LRBA: variants seen among roughly 807,000 people sequenced by gnomAD.
LRBA encodes LPS responsive beige-like anchor protein.
Under a neutral mutation model 330.0 loss-of-function variants are expected in LRBA, and 176 were observed. The observed-to-expected ratio is 0.53, with a 90% CI of 0.47 to 0.60. The LOEUF (loss-of-function observed/expected upper bound fraction) is 0.60. Among genes scored for constraint, LRBA ranks in the 20% least tolerant of loss-of-function variants. LRBA has a pLI of 0.00. For synonymous variants in LRBA, 1,230 were observed against 1,193.0 expected, an observed-to-expected ratio of 1.03 and a Z score of -0.64; for missense variants, 3,259 against 3,444.8, an observed-to-expected ratio of 0.95 and a Z score of 1.35.
At chr4:150,880,858 C>T (rs535397964) in intron 17 of LRBA, among the ~76,000 whole-genome samples, 1 of 152,104 alleles carries the variant, frequency 6.6e-6, no homozygotes, top group East Asian at 1.9e-4. Flanking sequence ...AAAAACAATC[C>T]CATTAAAAAA....
At chr4:150,951,635 T>C (rs566049476) in intron 2 of LRBA, among the ~76,000 whole-genome samples, 1 of 152,300 alleles carries the variant, frequency 6.6e-6, no homozygotes, top group Non-Finnish European at 1.5e-5. Flanking sequence ...TACAAAGTAC[T>C]CTAACCATAA....
chr4:150,319,546 T>A (rs1297297103), intron 50 of LRBA, among the ~76,000 whole-genome samples: 1 of 152,168 alleles, frequency 6.6e-6, no homozygotes, highest in African/African-American at 2.4e-5. Context: ...AGTATGTTAT[T>A]TTCATAAATA....
Position 150,852,740 on chromosome 4 carries a change from A to T in LRBA, c.2970T>A (p.Asn990Lys). The change falls in exon 23 of 57, where the codon AAT (asparagine) becomes AAA (lysine). Residue 990 changes from asparagine (N) to lysine (K), a missense_variant. Physicochemically the swap from Asn to Lys is moderately conservative, Grantham distance 94. Transcript: ENST00000651943. ...PVCPHFTTNG[N>K]ENSSIEKTSS... ...TTGTCTTCTCTATACTTGAATTTTC[A>T]TTACCATTTGTGGTGAAATGAGGAC... 6.2e-7 allele frequency: 1 copy of T among 1,613,872 alleles called. No homozygotes were observed. The highest frequency in any genetic ancestry group is 1.1e-5 in the South Asian group (1 of 91,020).
At chr4:150,464,917 C>T (rs1037941536) in intron 44 of LRBA, among the ~76,000 whole-genome samples, 3 of 151,946 alleles carry the variant, frequency 2.0e-5, no homozygotes, top group Admixed American at 6.6e-5. Flanking sequence ...GCAAAATATA[C>T]ATAACATAAA....
At chr4:150,388,178 C>T (rs948044049) in intron 47 of LRBA, among the ~76,000 whole-genome samples, 1 of 152,238 alleles carries the variant, frequency 6.6e-6, no homozygotes, top group African/African-American at 2.4e-5. Context: ...AACCCTTCCT[C>T]TTTCATAAAG....
chr4:150,647,567 T>A (rs1027369695), intron 37 of LRBA, among the ~76,000 whole-genome samples: 4 of 151,816 alleles, frequency 2.6e-5, no homozygotes, highest in African/African-American at 4.8e-5. Flanking sequence ...CTAATTTTTT[T>A]AAATTATGTG....
At chr4:150,946,525 T>C (rs901805547) in intron 2 of LRBA, among the ~76,000 whole-genome samples, 2 of 152,080 alleles carry the variant, frequency 1.3e-5, no homozygotes, top group African/African-American at 4.8e-5. Flanking sequence ...ATAGTTTATG[T>C]GTCAAAAGAG....
chr4:150,639,825 A>G lies in LRBA; in HGVS notation c.5922-40694T>C, dbSNP rs1359973285. The stretch of plus-strand genomic sequence containing the variant: ...TATATATGTGTGTGTGTGTGTATAT[A>G]TATATATATATATATATATATATAT... On this transcript the variant is annotated intron_variant, in intron 37 of 56. Transcript: ENST00000651943. Among the ~76,000 whole-genome samples, 22 of 9,494 alleles carry G rather than the reference A, an allele frequency of 2.3e-3. 1 individual carries two copies. The highest frequency in any genetic ancestry group is 0.016 in the South Asian group (3 of 182). The allele number at this position is 9,494 out of a possible 152,430, so 6.2% of individuals were successfully genotyped here.
At chr4:150,791,950 A>T (rs1173733849) in intron 34 of LRBA, among the ~76,000 whole-genome samples, 3 of 139,768 alleles carry the variant, frequency 2.1e-5, no homozygotes, top group African/African-American at 8.0e-5. Flanking sequence ...AATGGCATGA[A>T]CCCGGGAGAT....
intron 48 of LRBA, among the ~76,000 whole-genome samples, chr4:150,345,686 C>T (rs1178480915): frequency 1.3e-5 from 2 of 152,310 alleles, no homozygotes; most frequent in East Asian, 3.9e-4. Flanking sequence ...AGGGCCATGA[C>T]TCAAATTCAA....
intron 52 of LRBA, among the ~76,000 whole-genome samples, chr4:150,304,199 T>C (rs140597402): frequency 3.3e-5 from 5 of 152,298 alleles, no homozygotes; most frequent in Admixed American, 6.5e-5. Context: ...CCGTAATACA[T>C]TGTAAACTTC....
intron 40 of LRBA, among the ~76,000 whole-genome samples, chr4:150,518,668 T>C (rs942181982): frequency 1.3e-5 from 2 of 152,202 alleles, no homozygotes; most frequent in African/African-American, 4.8e-5. Flanking sequence ...GAATTTTAAA[T>C]GTTTTACTCT....
chr4:150,727,644 A>G (rs952785142), intron 36 of LRBA, among the ~76,000 whole-genome samples: 2 of 152,172 alleles, frequency 1.3e-5, no homozygotes, highest in Non-Finnish European at 2.9e-5. Context: ...TTAAGAATAA[A>G]ATTGAAAAAC....
At chr4:150,413,079 T>C (rs1451764852) in intron 47 of LRBA, among the ~76,000 whole-genome samples, 3 of 151,780 alleles carry the variant, frequency 2.0e-5, no homozygotes, top group Non-Finnish European at 4.4e-5. Flanking sequence ...AAAGAAAATA[T>C]ATATATATAT....
intron 40 of LRBA, among the ~76,000 whole-genome samples, chr4:150,543,726 C>T (rs1419918503): frequency 6.6e-6 from 1 of 152,034 alleles, no homozygotes; most frequent in Non-Finnish European, 1.5e-5. Flanking sequence ...TAGAAATAAC[C>T]AATTTCTTAT....
At chr4:150,379,540 C>G (rs888596860) in intron 47 of LRBA, among the ~76,000 whole-genome samples, 4 of 152,118 alleles carry the variant, frequency 2.6e-5, no homozygotes, top group Middle Eastern at 3.4e-3. Flanking sequence ...ATTTCATGGT[C>G]AAAGACAGGT....
intron 31 of LRBA, among the ~76,000 whole-genome samples, chr4:150,815,003 G>T (rs1744348117): frequency 6.6e-6 from 1 of 151,800 alleles, no homozygotes; most frequent in African/African-American, 2.4e-5. Context: ...AAAACTCCAA[G>T]ACTTAAATTT....
At chr4:150,605,727 T>C (rs1344251577) in intron 37 of LRBA, among the ~76,000 whole-genome samples, 1 of 152,154 alleles carries the variant, frequency 6.6e-6, no homozygotes, top group Admixed American at 6.5e-5. Flanking sequence ...GTACTATAGG[T>C]ATCATACAAT....
Position 150,368,545 on chromosome 4 carries a change from T to G in LRBA, c.7195-18386A>C, listed in dbSNP as rs189993122. On this transcript the variant is annotated intron_variant, in intron 47 of 56. Transcript: ENST00000651943. ...TACAAAAACATTTAAAATTTACTTTTCATTATGTAACAATCTAAGGAATAC... is the reference window on the plus strand; with the variant it reads ...TACAAAAACATTTAAAATTTACTTTGCATTATGTAACAATCTAAGGAATAC... Among the ~76,000 whole-genome samples, 175 of 152,302 alleles carry G rather than the reference T, an allele frequency of 1.1e-3. 1 individual carries two copies. Among genetic ancestry groups the G allele is most frequent in the Middle Eastern group, 3.4e-3 (1 of 294 alleles).
Sources: allele counts gnomAD v4.1 joint callset (sites outside exome capture counted in the v4.1 genomes callset), GRCh38; gene constraint gnomAD v4.1.1; transcripts MANE v1.5; gene names NCBI Gene and HGNC (gene_info 2026-07-23, HGNC 2026-07-21).